Variants in TYW1 observed in about 807,000 individuals in gnomAD.
TYW1 encodes the protein S-adenosyl-L-methionine-dependent tRNA 4-demethylwyosine synthase TYW1.
A neutral mutation model predicts 96.2 loss-of-function variants in TYW1; 46 were observed. The ratio of observed to expected loss-of-function variants is 0.48; its 90% CI spans 0.38 to 0.61. The LOEUF (loss-of-function observed/expected upper bound fraction) is 0.61, where lower values mean the gene tolerates loss of function less well. TYW1 is among the 20% of genes least tolerant of loss of function. TYW1 has a pLI of 0.00. For missense variants in TYW1, 684 were observed against 909.6 expected (o/e 0.75, Z 3.19); for synonymous variants, 274 against 323.0 (o/e 0.85, Z 1.63).
chr7:67,155,400 C>T (rs1798935449), intron 13 of TYW1, among the ~76,000 whole-genome samples: 1 of 152,156 alleles, frequency 6.6e-6, no homozygotes, highest in Admixed American at 6.5e-5. Flanking sequence ...CCCACTCTCA[C>T]CAGGTGATGC....
intron 10 of TYW1, among the ~76,000 whole-genome samples, chr7:67,069,932 G>C (rs1308101514): frequency 6.6e-6 from 1 of 152,270 alleles, no homozygotes; most frequent in East Asian, 1.9e-4. Flanking sequence ...TGTTAGCAGT[G>C]AACTCCCTCA....
At chr7:67,198,556 A>G (rs1307350263) in intron 15 of TYW1, among the ~76,000 whole-genome samples, 3 of 151,996 alleles carry the variant, frequency 2.0e-5, no homozygotes, top group Non-Finnish European at 4.4e-5. Flanking sequence ...ATCTCAAAAA[A>G]AAAAAAAGAA....
Position 67,008,058 on chromosome 7 carries a change from C to T in TYW1, c.274-1525C>T, listed in dbSNP as rs139561576. Among the ~76,000 whole-genome samples, 156 of 152,324 alleles carry T rather than the reference C, an allele frequency of 1.0e-3. 1 individual carries two copies. The highest frequency in any genetic ancestry group is 3.6e-3 in the African/African-American group (150 of 41,574). On this transcript the variant is annotated intron_variant, in intron 3 of 15. Transcript: ENST00000359626. ...GCTTTAAATTTAGGGTTCTGCACCA[C>T]TGCCTCCTCAGGTTCTATAGGATGA...
rs572120727 is a variant in TYW1, at chr7:67,029,323, C to G, written c.984+4301C>G. ...TTAAGATTTAAAAAAATGATGTGGACTTAAGATTTAAAAAAATGTGCATTT... is the reference window on the plus strand; with the variant it reads ...TTAAGATTTAAAAAAATGATGTGGAGTTAAGATTTAAAAAAATGTGCATTT... On this transcript the variant is annotated intron_variant, in intron 7 of 15. Coordinates refer to ENST00000359626, the MANE Select transcript of TYW1 (RefSeq NM_018264.4). Among the ~76,000 whole-genome samples the G allele has an allele frequency of 2.1e-4, 20 of 96,224 alleles. No homozygotes were observed. The South Asian group carries it at 6.2e-3, about 30-fold the overall frequency. 63.1% of individuals were successfully genotyped at this position (96,224 alleles called of 152,430 possible).
chr7:67,222,178 C>T (rs552804304), intron 15 of TYW1, among the ~76,000 whole-genome samples: 2 of 152,006 alleles, frequency 1.3e-5, no homozygotes, highest in Non-Finnish European at 2.9e-5. Flanking sequence ...GTCTGGGCAA[C>T]AGAGCGAGAC....
rs770022188 is a variant in TYW1 at position 67,049,936 on chromosome 7, T to A, written c.985-13T>A. On this transcript the variant is annotated splice_polypyrimidine_tract_variant and intron_variant, in intron 7 of 15. Coordinates refer to ENST00000359626, the MANE Select transcript of TYW1 (RefSeq NM_018264.4). Reference sequence around the variant, plus strand: ...ACCAATTCTGGATTTCATTCTTTTTTATTTTAATGCAGAGAGAAAAGGAAC... The same window carrying A: ...ACCAATTCTGGATTTCATTCTTTTTAATTTTAATGCAGAGAGAAAAGGAAC... 1.9e-6 allele frequency: 3 copies of A among 1,613,520 alleles called. No individual in the cohort carries two copies. The African/African-American group carries it at 4.0e-5, about 22-fold the overall frequency.
chr7:67,103,783 TATACAGCAAGTCAGCTC>T (rs1207121733), intron 12 of TYW1, among the ~76,000 whole-genome samples: 1 of 152,242 alleles, frequency 6.6e-6, no homozygotes, highest in Non-Finnish European at 1.5e-5. Context: ...ATGCTAATTT[TATACAGCAAGTCAGCTC>T]ATACAGCAAG....
chr7:67,022,822 T>A (rs1794318571), intron 6 of TYW1, among the ~76,000 whole-genome samples: 1 of 152,182 alleles, frequency 6.6e-6, no homozygotes, highest in Non-Finnish European at 1.5e-5. Flanking sequence ...AGAAGACTAC[T>A]CATTTATTGA....
chr7:67,190,876 A>G (rs1317775113), intron 14 of TYW1, among the ~76,000 whole-genome samples: 4 of 152,230 alleles, frequency 2.6e-5, no homozygotes, highest in Admixed American at 6.5e-5. Context: ...TTTAATTAGA[A>G]TATCAAATAG....
intron 15 of TYW1, among the ~76,000 whole-genome samples, chr7:67,231,911 T>G (rs1254505958): frequency 6.6e-6 from 1 of 152,010 alleles, no homozygotes; most frequent in Non-Finnish European, 1.5e-5. Context: ...TTGGGTCTTA[T>G]GGACTAGTTC....
intron 13 of TYW1, among the ~76,000 whole-genome samples, chr7:67,150,806 A>G (rs12530524): frequency 0.036 from 5,429 of 149,368 alleles, 50 homozygotes; most frequent in Middle Eastern, 0.083. Context: ...TGTCTGACCC[A>G]TGACTGAGCT....
Position 67,031,083 on chromosome 7 carries a change from C to T in TYW1, c.984+6061C>T, listed in dbSNP as rs369601674. On this transcript the variant is annotated intron_variant, in intron 7 of 15. Transcript: ENST00000359626. ...TGGCGCATACCTGTAATCCCAGCTA[C>T]TCGGGAGGCTGAGGCAGGAGAATCA... is the stretch of plus-strand genomic sequence containing the variant. 3.4e-3 allele frequency among the ~76,000 whole-genome samples: 452 copies of T among 133,946 alleles called. 8 individuals carry two copies. In the East Asian group the frequency reaches 0.067, roughly 20 times the overall value. The allele number at this position is 133,946 out of a possible 152,430, so 87.9% of individuals were successfully genotyped here.
chr7:67,090,264 AT>A (rs753393230), intron 11 of TYW1, among the ~76,000 whole-genome samples: 13 of 152,228 alleles, frequency 8.5e-5, no homozygotes, highest in Non-Finnish European at 1.8e-4. Context: ...AACAGGTATT[AT>A]TTATGACTTT....
intron 12 of TYW1, among the ~76,000 whole-genome samples, chr7:67,100,526 A>AC (rs1797053595): frequency 6.6e-6 from 1 of 151,976 alleles, no homozygotes; most frequent in Admixed American, 6.6e-5. Flanking sequence ...TGTTTCGTAA[A>AC]CACTGGCCAA....
chr7:67,200,879 C>T (rs1447410645), intron 15 of TYW1, among the ~76,000 whole-genome samples: 3 of 151,884 alleles, frequency 2.0e-5, no homozygotes, highest in Non-Finnish European at 4.4e-5. Flanking sequence ...AAGCAGAGGT[C>T]CAAGGAAAAG....
chr7:67,160,522 G>GTATACA (rs58873729), intron 13 of TYW1, among the ~76,000 whole-genome samples: 12,890 of 145,516 alleles, frequency 0.089, 646 homozygotes, highest in Middle Eastern at 0.14. Flanking sequence ...TAAGGTATGT[G>GTATACA]TATACATATA....
intron 14 of TYW1, among the ~76,000 whole-genome samples, chr7:67,193,393 C>T (rs117107903): frequency 0.016 from 2,394 of 152,282 alleles, 31 homozygotes; most frequent in Admixed American, 0.044. Flanking sequence ...TGGCAAAGCT[C>T]ATGTGAGTCT....
At chr7:67,159,320 G>C (rs960587314) in intron 13 of TYW1, among the ~76,000 whole-genome samples, 5 of 152,124 alleles carry the variant, frequency 3.3e-5, no homozygotes, top group Admixed American at 6.5e-5. Context: ...AAATTCCAGG[G>C]ATAGGAGGCT....
intron 7 of TYW1, among the ~76,000 whole-genome samples, chr7:67,034,709 C>A (rs527476829): frequency 1.2e-4 from 18 of 152,238 alleles, no homozygotes; most frequent in African/African-American, 4.3e-4. Flanking sequence ...TAAGGTAGTT[C>A]GTAATGATGT....
Sources: allele counts gnomAD v4.1 joint callset (sites outside exome capture counted in the v4.1 genomes callset), GRCh38; gene constraint gnomAD v4.1.1; transcripts MANE v1.5; gene names NCBI Gene and HGNC (gene_info 2026-07-23, HGNC 2026-07-21).